SEMA5A: variants seen among roughly 807,000 people sequenced by gnomAD.
The protein encoded by SEMA5A is semaphorin 5A, also known as semaphorin-5A.
SEMA5A carries 55 observed loss-of-function variants against 135.5 expected under a neutral mutation model. That is an observed-to-expected ratio of 0.41 (90% confidence interval 0.33 to 0.51). The LOEUF is 0.51. Among genes scored for constraint, SEMA5A ranks in the 20% least tolerant of loss-of-function variants. The probability of loss-of-function intolerance (pLI) is 0.37; values close to 1 mark genes in which losing one functional copy is unlikely to be tolerated. For missense variants in SEMA5A, 1,290 were observed against 1,419.9 expected (o/e 0.91, Z 1.47); for synonymous variants, 580 against 546.5 (o/e 1.06, Z -0.85).
chr5:9,392,923 T>C (rs772709090), intron 2 of SEMA5A, among the ~76,000 whole-genome samples: 2 of 152,354 alleles, frequency 1.3e-5, no homozygotes, highest in East Asian at 3.9e-4. Context: ...AGCACTGCTA[T>C]GGAAAAGTAC....
chr5:9,308,186 C>A (rs572453245), intron 5 of SEMA5A, among the ~76,000 whole-genome samples: 1 of 152,268 alleles, frequency 6.6e-6, no homozygotes, highest in South Asian at 2.1e-4. Context: ...GCACCCCATC[C>A]AGCTCTTATG....
At chr5:9,441,556 T>G (rs959536255) in intron 1 of SEMA5A, among the ~76,000 whole-genome samples, 1 of 150,058 alleles carries the variant, frequency 6.7e-6, no homozygotes, top group Non-Finnish European at 1.5e-5. Context: ...CTGAATGAGA[T>G]AGGTGAAAAA....
intron 11 of SEMA5A, among the ~76,000 whole-genome samples, chr5:9,163,041 A>G (rs1192425229): frequency 6.6e-6 from 1 of 152,202 alleles, no homozygotes; most frequent in Non-Finnish European, 1.5e-5. Flanking sequence ...ATACAACAGC[A>G]TATTAAATAG....
At chr5:9,535,215 G>A (rs1038762590) in intron 1 of SEMA5A, among the ~76,000 whole-genome samples, 1 of 152,218 alleles carries the variant, frequency 6.6e-6, no homozygotes. Flanking sequence ...AGTAACATTC[G>A]CAGGCGTAAG....
intron 1 of SEMA5A, among the ~76,000 whole-genome samples, chr5:9,490,880 C>T (rs1336077106): frequency 6.6e-6 from 1 of 152,194 alleles, no homozygotes; most frequent in Non-Finnish European, 1.5e-5. Flanking sequence ...AATGCTCAGG[C>T]TGTCCCCACT....
chr5:9,384,717 C>T (rs2021247), intron 2 of SEMA5A, among the ~76,000 whole-genome samples: 15,849 of 51,010 alleles, frequency 0.31, 2,304 homozygotes, highest in Non-Finnish European at 0.31. Flanking sequence ...GATAGATAGA[C>T]AGACAGACAG....
rs1579411020 is a variant in SEMA5A at position 9,360,335 on chromosome 5, T to G, written c.124+19488A>C. Among the ~76,000 whole-genome samples, 3 of 152,134 alleles carry G rather than the reference T, an allele frequency of 2.0e-5. No homozygotes were observed. In the South Asian group the frequency reaches 6.2e-4, roughly 32 times the overall value. ...TAAGAAATTGGATAGATTAAATATA[T>G]CACAAAAGAGACATTTTAATAGTCT... is the stretch of plus-strand genomic sequence containing the variant. On this transcript the variant is annotated intron_variant, in intron 3 of 22. Coordinates refer to ENST00000382496, the MANE Select transcript of SEMA5A (RefSeq NM_003966.3).
At chr5:9,326,397 C>G (rs551996877) in intron 4 of SEMA5A, among the ~76,000 whole-genome samples, 1 of 152,096 alleles carries the variant, frequency 6.6e-6, no homozygotes, top group Non-Finnish European at 1.5e-5. Context: ...ATTACAGGTG[C>G]GCGCCACCAT....
At chr5:9,446,871 A>T (rs896328974) in intron 1 of SEMA5A, among the ~76,000 whole-genome samples, 3 of 152,242 alleles carry the variant, frequency 2.0e-5, no homozygotes, top group African/African-American at 7.2e-5. Flanking sequence ...CTGGGTTCTT[A>T]TATCCGCCCT....
At chr5:9,496,189 C>T (rs1205713929) in intron 1 of SEMA5A, among the ~76,000 whole-genome samples, 1 of 152,118 alleles carries the variant, frequency 6.6e-6, no homozygotes, top group Non-Finnish European at 1.5e-5. Flanking sequence ...GAATTACAAG[C>T]GTGTGCCACC....
chr5:9,234,011 G>A (rs558215565), intron 6 of SEMA5A, among the ~76,000 whole-genome samples: 4 of 152,186 alleles, frequency 2.6e-5, no homozygotes, highest in African/African-American at 9.6e-5. Flanking sequence ...CAGGGAGAAG[G>A]GAAACTTTGT....
At chr5:9,327,237 G>C (rs1752919874) in intron 4 of SEMA5A, among the ~76,000 whole-genome samples, 1 of 151,958 alleles carries the variant, frequency 6.6e-6, no homozygotes, top group African/African-American at 2.4e-5. Flanking sequence ...TTATAATATG[G>C]TCATGTGATT....
At chr5:9,457,827 G>C in intron 1 of SEMA5A, among the ~76,000 whole-genome samples, 1 of 151,364 alleles carries the variant, frequency 6.6e-6, no homozygotes, top group South Asian at 2.1e-4. Context: ...TGTTTTGAAA[G>C]GGTCACAGGA....
intron 16 of SEMA5A, among the ~76,000 whole-genome samples, chr5:9,092,186 A>T (rs16881962): frequency 0.11 from 17,379 of 152,146 alleles, 1,530 homozygotes; most frequent in East Asian, 0.32. Flanking sequence ...ATTGTGAGAC[A>T]ACTAAGCTGC....
intron 5 of SEMA5A, among the ~76,000 whole-genome samples, chr5:9,299,888 G>T (rs1579304086): frequency 6.6e-6 from 1 of 152,314 alleles, no homozygotes; most frequent in East Asian, 1.9e-4. Flanking sequence ...TGTAACAGAA[G>T]AGTTTTAAGG....
intron 8 of SEMA5A, among the ~76,000 whole-genome samples, chr5:9,214,909 T>G (rs577122462): frequency 6.6e-6 from 1 of 152,304 alleles, no homozygotes; most frequent in East Asian, 1.9e-4. Context: ...ATTGTTCAAC[T>G]CAATAATGAA....
chr5:9,441,830 A>G (rs1331902130), intron 1 of SEMA5A, among the ~76,000 whole-genome samples: 1 of 152,206 alleles, frequency 6.6e-6, no homozygotes, highest in Non-Finnish European at 1.5e-5. Flanking sequence ...GGCACTCCAG[A>G]CAGCTAACAG....
chr5:9,074,290 T>C (rs193025245), intron 16 of SEMA5A, among the ~76,000 whole-genome samples: 131 of 152,276 alleles, frequency 8.6e-4, no homozygotes, highest in African/African-American at 3.0e-3. Context: ...TAATTGAATA[T>C]CCACATGTGA....
At chr5:9,246,116 T>TA (rs1212239219) in intron 5 of SEMA5A, among the ~76,000 whole-genome samples, 4 of 152,172 alleles carry the variant, frequency 2.6e-5, no homozygotes, top group Admixed American at 2.6e-4. Context: ...GTAAGGCTCA[T>TA]AAGAGCCTTA....
Sources: gnomAD v4.1 joint callset for allele counts (sites outside exome capture counted in the v4.1 genomes callset) on GRCh38, gnomAD v4.1.1 for gene constraint, MANE v1.5 for transcripts, NCBI Gene and HGNC (gene_info 2026-07-23, HGNC 2026-07-21) for gene names.